DGKE: variants seen among roughly 807,000 people sequenced by gnomAD.
The protein encoded by DGKE is diacylglycerol kinase epsilon.
In DGKE, 53 loss-of-function variants were observed where a neutral mutation model predicts 70.0. The observed-to-expected ratio is 0.76, with a 90% CI of 0.61 to 0.95. DGKE has a LOEUF of 0.95. Ranked by LOEUF, DGKE falls within the 40% of genes least tolerant of loss-of-function variation. The pLI, the probability that DGKE is intolerant of heterozygous loss-of-function variation, is 0.00. For synonymous variants in DGKE, 291 were observed against 257.0 expected, an observed-to-expected ratio of 1.13 and a Z score of -1.27; for missense variants, 655 against 706.9, an observed-to-expected ratio of 0.93 and a Z score of 0.83.
rs1309672010 is a variant in DGKE, at chr17:56,863,102, C to G, written c.*311C>G. The G allele has an allele frequency of 5.0e-6, 1 of 201,696 alleles. No homozygotes were observed. Among genetic ancestry groups the G allele is most frequent in the Non-Finnish European group, 9.9e-6 (1 of 101,290 alleles). The allele number at this position is 201,696 out of a possible 1,614,324, so 12.5% of individuals were successfully genotyped here. A position where few individuals can be genotyped will look rare whatever the true frequency, so the allele number is the denominator to read the frequency against. On this transcript the variant is annotated 3_prime_UTR_variant, in exon 12 of 12. Coordinates refer to ENST00000284061, the MANE Select transcript of DGKE (RefSeq NM_003647.3). ...GGACTCACTCTGAAGTATGTGCTGT[C>G]TCATGTCTTATTTTTGAACCATGCA...
intron 2 of DGKE, among the ~76,000 whole-genome samples, chr17:56,843,584 G>A (rs895425733): frequency 6.6e-6 from 1 of 151,966 alleles, no homozygotes; most frequent in Admixed American, 6.6e-5. Flanking sequence ...GATCATTTGA[G>A]GTCTGGAGGT....
intron 10 of DGKE, 81 bp downstream of exon 10, chr17:56,861,999 C>T: frequency 4.6e-6 from 7 of 1,537,066 alleles, no homozygotes; most frequent in South Asian, 1.3e-5. Flanking sequence ...AACATTTTTC[C>T]TCAAATTTTC....
rs1414069646 is a variant in DGKE, at chr17:56,865,215, G to A, written c.*2424G>A. 1 of 151,768 alleles carries A rather than the reference G, an allele frequency of 6.6e-6. No individual in the cohort carries two copies. The highest frequency in any genetic ancestry group is 1.9e-4 in the East Asian group (1 of 5,186). The allele number at this position is 151,768 out of a possible 1,614,324, so 9.4% of individuals were successfully genotyped here. A position where few individuals can be genotyped will look rare whatever the true frequency, so the allele number is the denominator to read the frequency against. ...GGGTAGTGATTGTTTATATTACCAG[G>A]GATTCTACACTTTACCAAAAAAAAT... On this transcript the variant is annotated 3_prime_UTR_variant, in exon 12 of 12. Transcript: ENST00000284061.
Position 56,845,704 on chromosome 17 carries a change from T to A in DGKE, c.639T>A (p.Leu213=). Residue 213 remains leucine, a synonymous_variant, in exon 4 of 12, where the codon CTT becomes CTA. Coordinates refer to ENST00000284061, the MANE Select transcript of DGKE (RefSeq NM_003647.3). ...ATTTTTTTTAGCTAGCCTCTAAGCT[T>A]GGAAAGCAGTGGACCCCATTAATAA... is the stretch of plus-strand genomic sequence containing the variant. The part of the protein sequence containing the change: ...KTDYEVLASK[L]GKQWTPLIIL... 1 of 1,609,808 alleles carries A rather than the reference T, an allele frequency of 6.2e-7. No homozygotes were observed. Among genetic ancestry groups the A allele is most frequent in the Non-Finnish European group, 8.5e-7 (1 of 1,178,252 alleles).
chr17:56,863,746 G>A lies in DGKE; in HGVS notation c.*955G>A, dbSNP rs1317691813. ...AGAATTTCCCCTTAGGGAGGTAAGT[G>A]GACAGAAATCTTTGCTAAAATGTTT... On this transcript the variant is annotated 3_prime_UTR_variant, in exon 12 of 12. Coordinates refer to ENST00000284061, the MANE Select transcript of DGKE (RefSeq NM_003647.3). 6.6e-6 allele frequency: 1 copy of A among 152,064 alleles called. No homozygotes were observed. Among genetic ancestry groups the A allele is most frequent in the Non-Finnish European group, 1.5e-5 (1 of 67,988 alleles). 9.4% of individuals were successfully genotyped at this position (152,064 alleles called of 1,614,324 possible).
rs1014732793 is a variant in DGKE at position 56,834,235 on chromosome 17, C to G, written c.-44C>G. ...GCGAGGCGGCCAAGGCCTGCTGGCC[C>G]GGAGCCGCGCCTCCACCCGCGCGAG... is the stretch of plus-strand genomic sequence containing the variant. On this transcript the variant is annotated 5_prime_UTR_variant, in exon 1 of 12. Coordinates refer to ENST00000284061, the MANE Select transcript of DGKE (RefSeq NM_003647.3). The G allele has an allele frequency of 1.3e-5, 2 of 152,604 alleles. No homozygotes were observed. Among genetic ancestry groups the G allele is most frequent in the Non-Finnish European group, 2.9e-5 (2 of 68,334 alleles). 9.5% of individuals were successfully genotyped at this position (152,604 alleles called of 1,614,324 possible). A position where few individuals can be genotyped will look rare whatever the true frequency, so the allele number is the denominator to read the frequency against.
At chr17:56,862,022 C>A in intron 10 of DGKE, 104 bp downstream of exon 10, 2 of 1,524,788 alleles carry the variant, frequency 1.3e-6, no homozygotes, top group South Asian at 2.6e-5. Context: ...TTTTGTGTAT[C>A]TCATTAGTTA....
Position 56,862,993 on chromosome 17 carries a change from T to C in DGKE, c.*202T>C. On this transcript the variant is annotated 3_prime_UTR_variant, in exon 12 of 12. Coordinates refer to ENST00000284061, the MANE Select transcript of DGKE (RefSeq NM_003647.3). ...AATGTTTGTTCTTTTTTCAGCAAAA[T>C]ACTTCAAATGAATAGTATTAACTTA... 1 of 432,070 alleles carries C rather than the reference T, an allele frequency of 2.3e-6. No homozygotes were observed. The highest frequency in any genetic ancestry group is 4.0e-6 in the Non-Finnish European group (1 of 252,382). 26.8% of individuals were successfully genotyped at this position (432,070 alleles called of 1,614,324 possible).
intron 4 of DGKE, 42 bp downstream of exon 4, chr17:56,845,851 TC>T: frequency 6.5e-7 from 1 of 1,541,290 alleles, no homozygotes; most frequent in Non-Finnish European, 8.7e-7. Context: ...GTTTTCATTT[TC>T]CCCAAAATGC....
chr17:56,845,017 A>G (rs1005864726), intron 3 of DGKE, among the ~76,000 whole-genome samples: 2 of 152,194 alleles, frequency 1.3e-5, no homozygotes, highest in African/African-American at 4.8e-5. Flanking sequence ...TTGTTTTGAC[A>G]GTTTTTTTAA....
intron 9 of DGKE, 97 bp from the exon 10 acceptor site, chr17:56,861,692 CAT>C: frequency 6.6e-7 from 1 of 1,509,870 alleles, no homozygotes; most frequent in Non-Finnish European, 9.0e-7. Context: ...GTGCATCTCT[CAT>C]ATATAAGCAC....
intron 1 of DGKE, 115 bp downstream of exon 1, chr17:56,834,375 G>C (rs1262122233): frequency 1.2e-5 from 2 of 171,326 alleles, no homozygotes; most frequent in African/African-American, 4.8e-5. Flanking sequence ...GCGCCCCGGA[G>C]GGGAGTGCGA....
In DGKE at chr17:56,856,586, G is replaced by A. The variant is rs765405237; in HGVS notation, c.1173G>A (p.Glu391=). The A allele has an allele frequency of 1.9e-5, 31 of 1,613,874 alleles. No homozygotes were observed. The highest frequency in any genetic ancestry group is 2.6e-5 in the Non-Finnish European group (31 of 1,179,914). ...LMALNFHAHR[E]KAPSLFSSRI... The stretch of plus-strand genomic sequence containing the variant: ...CTCTCAATTTTCATGCTCATCGTGA[G>A]AAGGCACCATCTCTGTTTTCTAGCA... The change falls in exon 8 of 12, where the codon GAG becomes GAA. Residue 391 remains glutamate (E), a synonymous_variant. Coordinates refer to ENST00000284061, the MANE Select transcript of DGKE (RefSeq NM_003647.3).
At chr17:56,842,223 C>G (rs541359669) in intron 2 of DGKE, among the ~76,000 whole-genome samples, 2 of 151,792 alleles carry the variant, frequency 1.3e-5, no homozygotes, top group African/African-American at 2.4e-5. Flanking sequence ...TTATTTTATG[C>G]CTTTTTGTAT....
chr17:56,846,306 A>T (rs1907283130), intron 4 of DGKE: 1 of 152,356 alleles, frequency 6.6e-6, no homozygotes. Context: ...AAGTGAAAGA[A>T]GGCAGATACA....
intron 3 of DGKE, among the ~76,000 whole-genome samples, chr17:56,844,501 G>T (rs1278924722): frequency 1.3e-5 from 2 of 152,094 alleles, no homozygotes; most frequent in African/African-American, 4.8e-5. Flanking sequence ...AGATTTCTGA[G>T]TAGTACCTTC....
In DGKE at chr17:56,848,042, G is replaced by A. The variant is rs748107737; in HGVS notation, c.865G>A (p.Ala289Thr). ...TGGGACTGTAGGGTGGGTCCTGGAT[G>A]CAGTTGATGACATGAAGATTAAGGT... ...GDGTVGWVLD[A>T]VDDMKIKGQE... Residue 289 changes from alanine to threonine, a missense_variant, in exon 5 of 12, where the codon GCA becomes ACA. By Grantham distance (58) the Ala-to-Thr change is moderately conservative. Coordinates refer to ENST00000284061, the MANE Select transcript of DGKE (RefSeq NM_003647.3). 3.8e-6 allele frequency: 6 copies of A among 1,572,746 alleles called. No individual in the cohort carries two copies. The highest frequency in any genetic ancestry group is 1.8e-5 in the Admixed American group (1 of 54,554).
In DGKE at chr17:56,844,311, C is replaced by G. The variant is rs901850237; in HGVS notation, c.624+133C>G. ...ATAAACTTAAATAACAGATCAAGAC[C>G]AAGGAGAGAAATAAAATGCTATTAT... On this transcript the variant is annotated intron_variant, in intron 3 of 11. Coordinates refer to ENST00000284061, the MANE Select transcript of DGKE (RefSeq NM_003647.3). The G allele has an allele frequency of 1.2e-5, 7 of 574,192 alleles. No individual in the cohort carries two copies. The African/African-American group carries it at 1.4e-4, about 11-fold the overall frequency. The allele number at this position is 574,192 out of a possible 1,614,324, so 35.6% of individuals were successfully genotyped here.
rs532775933 is a variant in DGKE, at chr17:56,849,697, T to G, written c.1098+465T>G. 7.2e-5 allele frequency among the ~76,000 whole-genome samples: 11 copies of G among 152,336 alleles called. No homozygotes were observed. The South Asian group carries it at 2.3e-3, about 32-fold the overall frequency. On this transcript the variant is annotated intron_variant, in intron 7 of 11. Coordinates refer to ENST00000284061, the MANE Select transcript of DGKE (RefSeq NM_003647.3). ...AATTAATCAATACTTGACAACTGATTAGTATAAAGGGGAGAGAGAAAATAC... is the reference window on the plus strand; with the variant it reads ...AATTAATCAATACTTGACAACTGATGAGTATAAAGGGGAGAGAGAAAATAC...
Sources: allele counts gnomAD v4.1 joint callset (sites outside exome capture counted in the v4.1 genomes callset), GRCh38; gene constraint gnomAD v4.1.1; transcripts MANE v1.5; gene names NCBI Gene and HGNC (gene_info 2026-07-23, HGNC 2026-07-21).